Variants in RNF216 observed in about 807,000 individuals in gnomAD.
The protein encoded by RNF216 is ring finger protein 216.
In RNF216, 72 loss-of-function variants were observed where a neutral mutation model predicts 110.8. The observed-to-expected ratio is 0.65, with a 90% CI of 0.54 to 0.79. The LOEUF is 0.79. Among genes scored for constraint, RNF216 ranks in the 30% least tolerant of loss-of-function variants. The pLI, the probability that RNF216 is intolerant of heterozygous loss-of-function variation, is 0.00. For missense variants in RNF216, 1,342 were observed against 1,141.2 expected, an observed-to-expected ratio of 1.18 and a Z score of -2.54; for synonymous variants, 495 against 407.5, an observed-to-expected ratio of 1.21 and a Z score of -2.59.
rs765622909 is a variant in RNF216 at position 5,729,475 on chromosome 7, C to T, written c.1346G>A (p.Trp449Ter). 6.2e-7 allele frequency: 1 copy of T among 1,614,118 alleles called. No homozygotes were observed. The highest frequency in any genetic ancestry group is 8.5e-7 in the Non-Finnish European group (1 of 1,180,020). The change falls in exon 7 of 17, where the codon TGG (tryptophan) becomes TAG (stop). Residue 449 changes from tryptophan to a stop codon, truncating the protein, a stop_gained. Transcript: ENST00000389902. LOFTEE classifies it high-confidence loss of function. ...GTGTCCTTTGAGCTCGTGCAGGGCC[C>T]ACTTGATGTCCTGACTACTGAGCAC... Reference protein sequence around the residue: ...FKVLSSQDIKWALHELKGHYA... With the variant: ...FKVLSSQDIK
At chr7:5,739,377 T>A in intron 4 of RNF216, 25 bp from the exon 5 acceptor site, 1 of 1,580,578 alleles carries the variant, frequency 6.3e-7, no homozygotes. Context: ...GAACATAATT[T>A]ATATTTCATT....
At chr7:5,752,481 T>C (rs974852903) in intron 3 of RNF216, among the ~76,000 whole-genome samples, 1 of 152,166 alleles carries the variant, frequency 6.6e-6, no homozygotes, top group African/African-American at 2.4e-5. Flanking sequence ...CTAAAGAAGT[T>C]GATTGTAAAA....
Position 5,652,037 on chromosome 7 carries a change from A to T in RNF216, c.2159+376T>A, listed in dbSNP as rs543080780. 5.3e-5 allele frequency among the ~76,000 whole-genome samples: 8 copies of T among 152,260 alleles called. No homozygotes were observed. In the South Asian group the frequency reaches 1.7e-3, roughly 32 times the overall value. ...TATTATCACAGGCGTATCATTTTGT[A>T]TTCTGGAGGTGGGCAATTCTACTTA... is the stretch of plus-strand genomic sequence containing the variant. On this transcript the variant is annotated intron_variant, in intron 14 of 16. Coordinates refer to ENST00000389902, the MANE Select transcript of RNF216 (RefSeq NM_207111.4).
At chr7:5,715,736 C>CTTTTTT (rs58929486) in intron 10 of RNF216, among the ~76,000 whole-genome samples, 12 of 113,802 alleles carry the variant, frequency 1.1e-4, no homozygotes, top group African/African-American at 3.6e-4. Context: ...CCAACTCATT[C>CTTTTTT]TTTTTTTTTT....
intron 1 of RNF216, chr7:5,777,360 G>C (rs1189061500): frequency 6.6e-6 from 1 of 152,228 alleles, no homozygotes; most frequent in Non-Finnish European, 1.5e-5. Flanking sequence ...ACAGAGCTCA[G>C]ATTTTATTTT....
chr7:5,701,028 A>C (rs1181783521), intron 13 of RNF216, among the ~76,000 whole-genome samples: 1 of 152,152 alleles, frequency 6.6e-6, no homozygotes, highest in Non-Finnish European at 1.5e-5. Flanking sequence ...TAGGAGTAAG[A>C]AATCAACATG....
rs1482267348 is a variant in RNF216, at chr7:5,621,734, T to A, written c.*1126A>T. 1 of 152,434 alleles carries A rather than the reference T, an allele frequency of 6.6e-6. No individual in the cohort carries two copies. Among genetic ancestry groups the A allele is most frequent in the Non-Finnish European group, 1.5e-5 (1 of 68,268 alleles). 9.4% of individuals were successfully genotyped at this position (152,434 alleles called of 1,614,324 possible). A position where few individuals can be genotyped will look rare whatever the true frequency, so the allele number is the denominator to read the frequency against. On this transcript the variant is annotated 3_prime_UTR_variant, in exon 17 of 17. Transcript: ENST00000389902. ...AAGTGATGCCTGTGGCCAGGAAGGC[T>A]TCAGACCTCTCATCTGTCAATGGGC...
intron 15 of RNF216, among the ~76,000 whole-genome samples, chr7:5,640,822 G>A (rs943581126): frequency 3.9e-5 from 6 of 152,154 alleles, no homozygotes; most frequent in Admixed American, 1.3e-4. Context: ...GGCTATCTCC[G>A]TCAGGCTTTG....
intron 15 of RNF216, among the ~76,000 whole-genome samples, chr7:5,625,677 C>A (rs1218353943): frequency 6.6e-6 from 1 of 152,234 alleles, no homozygotes; most frequent in Non-Finnish European, 1.5e-5. Context: ...GCACTGCATG[C>A]CTACTCTGTG....
At chr7:5,721,211 T>C in intron 8 of RNF216, 39 bp from the exon 9 acceptor site, 1 of 1,600,802 alleles carries the variant, frequency 6.2e-7, no homozygotes, top group Non-Finnish European at 8.5e-7. Flanking sequence ...TGCAGACAAC[T>C]ATGTGTTAGG....
At chr7:5,769,567 C>A (rs1562479091) in intron 1 of RNF216, among the ~76,000 whole-genome samples, 1 of 149,514 alleles carries the variant, frequency 6.7e-6, no homozygotes, top group Non-Finnish European at 1.5e-5. Context: ...TACCAACAAA[C>A]AAACAAATTA....
chr7:5,663,431 C>A (rs909920940), intron 13 of RNF216, among the ~76,000 whole-genome samples: 2 of 151,458 alleles, frequency 1.3e-5, no homozygotes, highest in African/African-American at 4.9e-5. Flanking sequence ...AACACAAAAA[C>A]AAATTAGCCA....
At chr7:5,725,536 G>A (rs771991598) in intron 7 of RNF216, 98 bp from the exon 8 acceptor site, 146 of 737,590 alleles carry the variant, frequency 2.0e-4, no homozygotes, top group Non-Finnish European at 3.2e-4. Flanking sequence ...AGTTTCAGCT[G>A]TCTACCCAGC....
intron 6 of RNF216, 102 bp downstream of exon 6, chr7:5,730,613 C>T (rs1794029078): frequency 2.6e-6 from 4 of 1,555,776 alleles, no homozygotes; most frequent in Non-Finnish European, 3.5e-6. Context: ...AAAAACTTGT[C>T]CCAACAAAGC....
chr7:5,729,927 G>C (rs1319634774), intron 6 of RNF216, among the ~76,000 whole-genome samples: 1 of 152,120 alleles, frequency 6.6e-6, no homozygotes, highest in South Asian at 2.1e-4. Flanking sequence ...AAGAATCTAT[G>C]GGGAGTTGGA....
intron 1 of RNF216, among the ~76,000 whole-genome samples, chr7:5,770,024 CAAAAAAA>C (rs1163710982): frequency 0.083 from 1,979 of 23,958 alleles, 8 homozygotes; most frequent in Admixed American, 0.12. Context: ...AGACCCATCT[CAAAAAAA>C]AAAAAAAAAA....
At chr7:5,689,441 C>T (rs1791191076) in intron 13 of RNF216, among the ~76,000 whole-genome samples, 1 of 150,390 alleles carries the variant, frequency 6.6e-6, no homozygotes, top group Non-Finnish European at 1.5e-5. Flanking sequence ...CGCCTAGAAA[C>T]CCACATCCCT....
At chr7:5,755,071 TGAAGGAAAGGAAGGAAAGGAGAAGAGA>T (rs1205458020) in intron 2 of RNF216, among the ~76,000 whole-genome samples, 1 of 116,212 alleles carries the variant, frequency 8.6e-6, no homozygotes, top group African/African-American at 3.4e-5. Flanking sequence ...GGGAGGGAAC[TGAAGGAAAGGAAGGAAAGGAGAAGAGA>T]GGAGGAAAGG....
chr7:5,683,093 A>G (rs1247560830), intron 13 of RNF216, among the ~76,000 whole-genome samples: 2 of 152,078 alleles, frequency 1.3e-5, no homozygotes, highest in Non-Finnish European at 2.9e-5. Flanking sequence ...AGGGCACAAC[A>G]CTGTATGTAT....
Sources: gnomAD v4.1 joint callset for allele counts (sites outside exome capture counted in the v4.1 genomes callset) on GRCh38, gnomAD v4.1.1 for gene constraint, MANE v1.5 for transcripts, NCBI Gene and HGNC (gene_info 2026-07-23, HGNC 2026-07-21) for gene names.